DLGAP2: variants seen among roughly 807,000 people sequenced by gnomAD.
DLGAP2 encodes disks large-associated protein 2.
A neutral mutation model predicts 100.3 loss-of-function variants in DLGAP2; 26 were observed. The ratio of observed to expected loss-of-function variants is 0.26; its 90% CI spans 0.19 to 0.36. The LOEUF (loss-of-function observed/expected upper bound fraction) is 0.36, where lower values mean the gene tolerates loss of function less well. Among genes scored for constraint, DLGAP2 ranks in the 10% least tolerant of loss-of-function variants. DLGAP2 has a pLI of 1.00. For synonymous variants in DLGAP2, 886 were observed against 630.1 expected, an observed-to-expected ratio of 1.41 and a Z score of -6.08; for missense variants, 1,858 against 1,453.2, an observed-to-expected ratio of 1.28 and a Z score of -4.53.
At chr8:1,684,746 C>A (rs1799068444) in intron 12 of DLGAP2, among the ~76,000 whole-genome samples, 1 of 151,898 alleles carries the variant, frequency 6.6e-6, no homozygotes, top group African/African-American at 2.4e-5. Flanking sequence ...TTATGTCAAA[C>A]CAAATGGGTA....
intron 2 of DLGAP2, among the ~76,000 whole-genome samples, chr8:1,208,865 AAAATAAATAAATAAATAAAT>A (rs61478484): frequency 4.8e-5 from 7 of 144,530 alleles, no homozygotes; most frequent in Non-Finnish European, 7.6e-5. Flanking sequence ...AATAGCTGCA[AAAATAAATAAATAAATAAAT>A]AAATAAATAA....
chr8:1,091,018 G>A (rs569106223), intron 2 of DLGAP2, among the ~76,000 whole-genome samples: 1 of 152,264 alleles, frequency 6.6e-6, no homozygotes, highest in East Asian at 1.9e-4. Context: ...CAGCTTGAGG[G>A]ACGTGGTGTT....
Position 1,054,835 on chromosome 8 carries a change from A to G in DLGAP2, c.73+146869A>G, listed in dbSNP as rs558796173. 4.6e-5 allele frequency among the ~76,000 whole-genome samples: 7 copies of G among 152,368 alleles called. No individual in the cohort carries two copies. The South Asian group carries it at 1.2e-3, about 27-fold the overall frequency. On this transcript the variant is annotated intron_variant, in intron 2 of 14. Coordinates refer to ENST00000637795, the MANE Select transcript of DLGAP2 (RefSeq NM_001346810.2). The stretch of plus-strand genomic sequence containing the variant: ...CTCAATCAAATTGTAAGGAAAAACC[A>G]TAACTTATCTAAAACATTTTTTATT...
chr8:1,557,639 G>A (rs773312562), intron 5 of DLGAP2, among the ~76,000 whole-genome samples: 2 of 152,302 alleles, frequency 1.3e-5, no homozygotes, highest in South Asian at 4.1e-4. Flanking sequence ...GCGTGTAAAG[G>A]CACATTCATT....
At chr8:1,026,656 TAG>T (rs1449164127) in intron 2 of DLGAP2, among the ~76,000 whole-genome samples, 2 of 152,268 alleles carry the variant, frequency 1.3e-5, no homozygotes, top group African/African-American at 4.8e-5. Flanking sequence ...TATTACTCTG[TAG>T]ACATTGATTT....
At chr8:1,109,839 T>G (rs1258850690) in intron 2 of DLGAP2, among the ~76,000 whole-genome samples, 1 of 2,702 alleles carries the variant, frequency 3.7e-4, no homozygotes, top group South Asian at 0.021. Context: ...GGGTCTGTGA[T>G]GTGTGCACAG....
chr8:1,624,845 T>G (rs1264647447), intron 6 of DLGAP2, among the ~76,000 whole-genome samples: 1 of 126,084 alleles, frequency 7.9e-6, no homozygotes, highest in Non-Finnish European at 1.6e-5. Context: ...TCCCTTTGCT[T>G]TCTCTCTCTC....
chr8:1,448,864 A>G (rs1449560345), intron 3 of DLGAP2, among the ~76,000 whole-genome samples: 1 of 152,164 alleles, frequency 6.6e-6, no homozygotes, highest in East Asian at 1.9e-4. Context: ...TCTAATGTTG[A>G]TCCTGACCCA....
At chr8:1,211,602 A>G (rs1798105216) in intron 2 of DLGAP2, among the ~76,000 whole-genome samples, 1 of 152,236 alleles carries the variant, frequency 6.6e-6, no homozygotes, top group Non-Finnish European at 1.5e-5. Flanking sequence ...GTGTCCAGGC[A>G]CAGTGGCACA....
intron 3 of DLGAP2, among the ~76,000 whole-genome samples, chr8:1,322,916 C>A (rs1443516320): frequency 1.3e-5 from 2 of 152,116 alleles, no homozygotes; most frequent in Non-Finnish European, 1.5e-5. Flanking sequence ...GAGTGTCTGC[C>A]TCACTTTGTA....
chr8:1,161,668 C>G (rs1262954336), intron 2 of DLGAP2, among the ~76,000 whole-genome samples: 3 of 152,224 alleles, frequency 2.0e-5, no homozygotes. Context: ...GGAAATGGAG[C>G]CTACCTAGGG....
At chr8:810,734 A>G (rs1796355104) in intron 1 of DLGAP2, among the ~76,000 whole-genome samples, 1 of 152,202 alleles carries the variant, frequency 6.6e-6, no homozygotes, top group African/African-American at 2.4e-5. Flanking sequence ...GCTGGCGGTG[A>G]TTTATGAATC....
rs1414540167 is a variant in DLGAP2 at position 1,610,796 on chromosome 8, T to G, written c.1443-15944T>G. 8.1e-3 allele frequency among the ~76,000 whole-genome samples: 1,140 copies of G among 140,038 alleles called. 22 individuals are homozygous for G. The highest frequency in any genetic ancestry group is 0.034 in the African/African-American group (1,048 of 31,274). 91.9% of individuals were successfully genotyped at this position (140,038 alleles called of 152,430 possible). ...ATAAACTAGAAAATCTAGAAGAAAT[T>G]AATAAATTGCTCGACACATACACTG... On this transcript the variant is annotated intron_variant, in intron 6 of 14. Transcript: ENST00000637795.
At chr8:1,068,437 A>C (rs4735981) in intron 2 of DLGAP2, among the ~76,000 whole-genome samples, 69,296 of 152,064 alleles carry the variant, frequency 0.46, 16,364 homozygotes, top group African/African-American at 0.58. Flanking sequence ...GTTCCTGTTC[A>C]TCCACGTCCT....
chr8:878,782 G>C (rs1342489254), intron 1 of DLGAP2, among the ~76,000 whole-genome samples: 1 of 152,150 alleles, frequency 6.6e-6, no homozygotes, highest in African/African-American at 2.4e-5. Flanking sequence ...TCTTTCACAA[G>C]GCCCACTTCC....
intron 2 of DLGAP2, among the ~76,000 whole-genome samples, chr8:978,636 G>C (rs368276009): frequency 6.7e-6 from 1 of 149,584 alleles, no homozygotes; most frequent in East Asian, 2.0e-4. Flanking sequence ...GGGCGTCGGG[G>C]ATGCAGTGAG....
intron 1 of DLGAP2, among the ~76,000 whole-genome samples, chr8:857,634 C>T (rs1797303981): frequency 6.6e-6 from 1 of 152,162 alleles, no homozygotes; most frequent in African/African-American, 2.4e-5. Context: ...GACAGTGCCA[C>T]ACCCCTGCTG....
chr8:912,892 C>G (rs548613065), intron 2 of DLGAP2, among the ~76,000 whole-genome samples: 10 of 150,298 alleles, frequency 6.7e-5, no homozygotes, highest in African/African-American at 2.4e-4. Flanking sequence ...GGAGCTGGAT[C>G]CCCGCACTGT....
At chr8:1,684,003 A>C (rs1799047365) in intron 12 of DLGAP2, among the ~76,000 whole-genome samples, 1 of 117,986 alleles carries the variant, frequency 8.5e-6, no homozygotes, top group Admixed American at 9.6e-5. Flanking sequence ...TTTTTTTAAG[A>C]CGAAGTCTCA....
Sources: gnomAD v4.1 joint callset for allele counts (sites outside exome capture counted in the v4.1 genomes callset) on GRCh38, gnomAD v4.1.1 for gene constraint, MANE v1.5 for transcripts, NCBI Gene and HGNC (gene_info 2026-07-23, HGNC 2026-07-21) for gene names.